ITGAE: variants seen among roughly 807,000 people sequenced by gnomAD.
ITGAE encodes the protein integrin subunit alpha E.
ITGAE carries 99 observed loss-of-function variants against 136.5 expected under a neutral mutation model. The observed-to-expected ratio is 0.73, with a 90% CI of 0.62 to 0.86. The LOEUF (loss-of-function observed/expected upper bound fraction) is 0.86. ITGAE is among the 40% of genes least tolerant of loss of function. The probability of loss-of-function intolerance (pLI) is 0.00; values close to 1 mark genes in which losing one functional copy is unlikely to be tolerated. For missense variants in ITGAE, 1,447 were observed against 1,515.3 expected (o/e 0.95, Z 0.75); for synonymous variants, 613 against 591.8 (o/e 1.04, Z -0.52).
chr17:3,760,104 ATTG>A, intron 7 of ITGAE, 65 bp downstream of exon 7: 1 of 911,746 alleles, frequency 1.1e-6, no homozygotes, highest in Non-Finnish European at 1.8e-6. Flanking sequence ...AAATGTGGTG[ATTG>A]TTGTTCTGAG....
intron 1 of ITGAE, among the ~76,000 whole-genome samples, chr17:3,800,503 GC>G (rs5818918): frequency 6.6e-6 from 1 of 152,164 alleles, no homozygotes; most frequent in Non-Finnish European, 1.5e-5. Context: ...GGCTTGGCTT[GC>G]CCAGAGGCTT....
intron 1 of ITGAE, among the ~76,000 whole-genome samples, chr17:3,786,544 T>C (rs2052802341): frequency 6.6e-6 from 1 of 152,030 alleles, no homozygotes. Context: ...CTCTCGAACA[T>C]AAATACAAAA....
Position 3,751,759 on chromosome 17 carries a change from A to G in ITGAE, c.1784T>C (p.Val595Ala). 1 of 1,614,076 alleles carries G rather than the reference A, an allele frequency of 6.2e-7. No homozygotes were observed. The highest frequency in any genetic ancestry group is 8.5e-7 in the Non-Finnish European group (1 of 1,179,964). ...GDLSQDKLTD[V>A]AIGAPLEGFG... The stretch of plus-strand genomic sequence containing the variant: ...ACCTTCCAGGGGGGCCCCGATGGCC[A>G]CATCTGTGAGCTTATCCTGACTGAG... Residue 595 changes from valine (V) to alanine (A), a missense_variant, in exon 15 of 31, where the codon GTG (valine) becomes GCG (alanine). This residue lies in a region of ITGAE where 1,031 missense variants were observed against 1,011.4 expected (regional missense o/e 1.02). Transcript: ENST00000263087.
In ITGAE at chr17:3,736,834, C is replaced by T. The variant is rs915578115; in HGVS notation, c.2523-1885G>A. On this transcript the variant is annotated intron_variant, in intron 20 of 30. Transcript: ENST00000263087. ...GGGATTACAGGCGTGAGCCACCACG[C>T]CCGGCCTAGGAAGTAATGTGAGGTG... is the stretch of plus-strand genomic sequence containing the variant. 9.2e-5 allele frequency among the ~76,000 whole-genome samples: 14 copies of T among 151,990 alleles called. No individual in the cohort carries two copies. In the East Asian group the frequency reaches 2.5e-3, roughly 27 times the overall value.
intron 2 of ITGAE, among the ~76,000 whole-genome samples, chr17:3,771,526 A>C (rs1597353381): frequency 7.5e-6 from 1 of 133,430 alleles, no homozygotes; most frequent in African/African-American, 2.9e-5. Flanking sequence ...TGAGGTGTGC[A>C]TTTTTCTCTT....
At chr17:3,797,154 TA>T (rs1280209079) in intron 1 of ITGAE, among the ~76,000 whole-genome samples, 122 of 20,606 alleles carry the variant, frequency 5.9e-3, no homozygotes, top group South Asian at 0.027. Flanking sequence ...TATATATATA[TA>T]TATTTTTTTT....
intron 1 of ITGAE, among the ~76,000 whole-genome samples, chr17:3,790,123 C>T (rs1162968487): frequency 6.6e-6 from 1 of 152,160 alleles, no homozygotes; most frequent in Non-Finnish European, 1.5e-5. Flanking sequence ...CCCAAGACTA[C>T]ATTTCCAACA....
intron 1 of ITGAE, among the ~76,000 whole-genome samples, chr17:3,794,047 C>T (rs1045565607): frequency 1.4e-5 from 2 of 145,246 alleles, no homozygotes; most frequent in East Asian, 2.0e-4. Context: ...GGCACGATCT[C>T]GGCTCATTGC....
chr17:3,728,666 C>CTTGGCCTT (rs2051272721), intron 24 of ITGAE, among the ~76,000 whole-genome samples: 3 of 150,858 alleles, frequency 2.0e-5, no homozygotes, highest in Admixed American at 6.6e-5. Flanking sequence ...AGCCACCGCA[C>CTTGGCCTT]CTGGCCTTCT....
At chr17:3,767,571 C>T (rs933847261) in intron 2 of ITGAE, among the ~76,000 whole-genome samples, 2 of 152,194 alleles carry the variant, frequency 1.3e-5, no homozygotes, top group African/African-American at 2.4e-5. Flanking sequence ...TCTCCAGATG[C>T]TCCTTCCATC....
chr17:3,743,706 T>TTTC (rs2051642986), intron 18 of ITGAE, 89 bp from the exon 19 acceptor site: 5 of 455,430 alleles, frequency 1.1e-5, no homozygotes, highest in Admixed American at 9.0e-5. Flanking sequence ...TCTTTTTTTC[T>TTTC]TTTTTTTTTT....
chr17:3,723,832 G>T (rs1597297807), intron 26 of ITGAE, 88 bp from the exon 27 acceptor site: 10 of 1,547,020 alleles, frequency 6.5e-6, no homozygotes, highest in Non-Finnish European at 8.7e-6. Flanking sequence ...GGCGAGGTGC[G>T]CATGCGCAGG....
chr17:3,780,873 A>C (rs1347637368), intron 1 of ITGAE, among the ~76,000 whole-genome samples: 1 of 151,794 alleles, frequency 6.6e-6, no homozygotes. Flanking sequence ...GCTAATTTTT[A>C]AAAAATTTTT....
chr17:3,734,325 G>A (rs542405414), intron 21 of ITGAE, among the ~76,000 whole-genome samples: 2 of 152,202 alleles, frequency 1.3e-5, no homozygotes, highest in Admixed American at 6.5e-5. Context: ...CGCCCGTCTC[G>A]GCCTCCCAAA....
intron 29 of ITGAE, among the ~76,000 whole-genome samples, chr17:3,719,424 T>C (rs2143005992): frequency 6.6e-6 from 1 of 152,184 alleles, no homozygotes; most frequent in South Asian, 2.1e-4. Context: ...GAATCATGCC[T>C]AACTAAAGAG....
chr17:3,720,028 C>T (rs1383151446), intron 29 of ITGAE, among the ~76,000 whole-genome samples: 1 of 151,996 alleles, frequency 6.6e-6, no homozygotes, highest in Non-Finnish European at 1.5e-5. Context: ...CGCCCAGCTG[C>T]GAAATTTTTT....
At chr17:3,715,659 C>T (rs752261253) in intron 30 of ITGAE, among the ~76,000 whole-genome samples, 2 of 152,094 alleles carry the variant, frequency 1.3e-5, no homozygotes, top group African/African-American at 2.4e-5. Context: ...TTGAGACCAG[C>T]CTGGGCAATA....
intron 26 of ITGAE, among the ~76,000 whole-genome samples, chr17:3,727,329 T>G (rs1293402747): frequency 6.6e-6 from 1 of 151,872 alleles, no homozygotes; most frequent in African/African-American, 2.4e-5. Context: ...GTTACATCGC[T>G]CACACAGAGA....
At chr17:3,752,232 C>G (rs1341709919) in intron 14 of ITGAE, among the ~76,000 whole-genome samples, 1 of 152,224 alleles carries the variant, frequency 6.6e-6, no homozygotes, top group African/African-American at 2.4e-5. Context: ...AGCCCGCCCC[C>G]CTCTAGTTCC....
Sources: gnomAD v4.1 joint callset for allele counts (sites outside exome capture counted in the v4.1 genomes callset) on GRCh38, gnomAD v4.1.1 for gene constraint, gnomAD v4.1.1 regional missense constraint, MANE v1.5 for transcripts, NCBI Gene and HGNC (gene_info 2026-07-23, HGNC 2026-07-21) for gene names.